The following FCRLB variants were observed in gnomAD, a reference collection of about 807,000 sequenced individuals.
The protein encoded by FCRLB is Fc receptor-like B.
FCRLB carries 34 observed loss-of-function variants against 33.6 expected under a neutral mutation model. That is an observed-to-expected ratio of 1.01 (90% CI 0.77 to 1.35). The LOEUF (loss-of-function observed/expected upper bound fraction) is 1.35. Ranked by LOEUF, FCRLB falls within the 40% of genes most tolerant of loss-of-function variation. The pLI, the probability that FCRLB is intolerant of heterozygous loss-of-function variation, is 0.00. For synonymous variants in FCRLB, 280 were observed against 255.9 expected (o/e 1.09, Z -0.90); for missense variants, 560 against 580.2 (o/e 0.97, Z 0.36).
At position 161,725,892 on chromosome 1, in the gene FCRLB, TG is replaced by T; in HGVS notation, c.381del (p.Trp127CysfsTer62). 6.2e-7 allele frequency: 1 copy of T among 1,614,200 alleles called. No homozygotes were observed. On this transcript the variant is annotated frameshift_variant, in exon 6 of 8. Transcript: ENST00000367948. LOFTEE classifies it high-confidence loss of function. ...GCCGCTAGTCCTGCGCTGCCGCGGC[TG>T]GTACGACAAGGTGGTCTACAAGCTT... is the stretch of plus-strand genomic sequence containing the variant.
intron 5 of FCRLB, among the ~76,000 whole-genome samples, chr1:161,724,960 A>T (rs1683492156): frequency 6.6e-6 from 1 of 152,158 alleles, no homozygotes; most frequent in Non-Finnish European, 1.5e-5. Flanking sequence ...GGTGAAAGAG[A>T]GTCTTCTTGG....
chr1:161,727,675 C>T, exon 8 of FCRLB: 1 of 1,577,230 alleles, frequency 6.3e-7, no homozygotes, highest in Non-Finnish European at 8.6e-7. Flanking sequence ...GGGCGGCTAC[C>T]GTCCCCTCTG....
At chr1:161,724,212 A>C (rs900207359) in intron 5 of FCRLB, among the ~76,000 whole-genome samples, 2 of 152,208 alleles carry the variant, frequency 1.3e-5, no homozygotes, top group Non-Finnish European at 2.9e-5. Context: ...ATATGTGTAC[A>C]CAGGAGTCAG....
chr1:161,726,723 C>G lies in FCRLB; in HGVS notation c.595C>G (p.Leu199Val), dbSNP rs1683584972. Reference sequence around the variant, plus strand: ...CGTAGAGCTGTTCCGGGCGCCGGTGCTGAGGGTGATGGGTCCGCGGGAGGC... The same window carrying G: ...CGTAGAGCTGTTCCGGGCGCCGGTGGTGAGGGTGATGGGTCCGCGGGAGGC... The change falls in exon 7 of 8, where the codon CTG becomes GTG. Residue 199 changes from leucine (L) to valine (V), a missense_variant. Leu to Val is a conservative substitution (Grantham distance 32). Coordinates refer to ENST00000367948, the Ensembl canonical transcript of FCRLB. The surrounding 1 kb of genome is among the most constrained non-coding windows in gnomAD (Gnocchi z 5.2). The G allele has an allele frequency of 2.5e-6, 4 of 1,596,272 alleles. No individual in the cohort carries two copies. The highest frequency in any genetic ancestry group is 1.3e-5 in the African/African-American group (1 of 74,788).
At position 161,723,010 on chromosome 1, in the gene FCRLB, G is replaced by A; in HGVS notation, c.52+1G>A. On this transcript the variant is annotated splice_donor_variant, in intron 4 of 7. Transcript: ENST00000367948. LOFTEE classifies it high-confidence loss of function. ...GCAGTTCCAAGCAGTGGGCAAGCTG[G>A]TGAGTCTTATAAATTTCTCATCCCA... 6.2e-7 allele frequency: 1 copy of A among 1,613,748 alleles called. No individual in the cohort carries two copies. Among genetic ancestry groups the A allele is most frequent in the Non-Finnish European group, 8.5e-7 (1 of 1,179,982 alleles).
chr1:161,727,360 T>C lies in FCRLB; in HGVS notation c.979T>C (p.Leu327=), dbSNP rs1442015219. ...GCCCCCGGTGTCCAGATCGGTCCCG[T>C]TGGTCACCTCCGTCCGGAACACCAC... The change falls in exon 8 of 8, where the codon TTG becomes CTG. Residue 327 remains leucine (L), a synonymous_variant. Coordinates refer to ENST00000367948, the Ensembl canonical transcript of FCRLB. The C allele has an allele frequency of 2.5e-6, 4 of 1,613,678 alleles. No homozygotes were observed. The Admixed American group carries it at 6.7e-5, about 27-fold the overall frequency.
chr1:161,724,466 G>A (rs919457254), intron 5 of FCRLB, among the ~76,000 whole-genome samples: 22 of 151,710 alleles, frequency 1.5e-4, no homozygotes, highest in East Asian at 3.9e-4. Context: ...GCATGATAGC[G>A]GGTGCCTGTA....
intron 3 of FCRLB, 103 bp downstream of exon 3, chr1:161,722,806 T>A (rs1683414805): frequency 2.6e-6 from 4 of 1,530,032 alleles, no homozygotes. Flanking sequence ...AGTTTCCAAG[T>A]GGTTCATTAT....
intron 5 of FCRLB, among the ~76,000 whole-genome samples, chr1:161,725,406 C>T (rs1434725737): frequency 1.3e-5 from 2 of 152,118 alleles, no homozygotes; most frequent in Non-Finnish European, 2.9e-5. Flanking sequence ...TTTGGGAGGC[C>T]GAGGTGGGCG....
In FCRLB at chr1:161,726,778, T is replaced by C. The variant is rs1169601969; in HGVS notation, c.650T>C (p.Leu217Pro). Residue 217 changes from leucine to proline, a missense_variant, in exon 7 of 8, where the codon CTG becomes CCG. Physicochemically the swap from Leu to Pro is moderately conservative, Grantham distance 98 (BLOSUM62 -3). Coordinates refer to ENST00000367948, the Ensembl canonical transcript of FCRLB. The surrounding 1 kb of genome is among the most constrained non-coding windows in gnomAD (Gnocchi z 5.2). ...GGCGCGGCGCTGGGTGGGGTGGTGCTGCGCTGCGACACGCGCCTGCACCCG... is the reference window on the plus strand; with the variant it reads ...GGCGCGGCGCTGGGTGGGGTGGTGCCGCGCTGCGACACGCGCCTGCACCCG... 6.3e-7 allele frequency: 1 copy of C among 1,575,826 alleles called. No homozygotes were observed. Among genetic ancestry groups the C allele is most frequent in the Admixed American group, 1.8e-5 (1 of 55,004 alleles).
At chr1:161,722,130 A>G (rs1392124324) in intron 2 of FCRLB, among the ~76,000 whole-genome samples, 1 of 152,150 alleles carries the variant, frequency 6.6e-6, no homozygotes, top group African/African-American at 2.4e-5. Context: ...TCGTCTACTC[A>G]TTGTGGCAGG....
Position 161,723,472 on chromosome 1 carries a change from A to G in FCRLB, c.158A>G (p.Glu53Gly), listed in dbSNP as rs541451917. Residue 53 changes from glutamate (E) to glycine (G), a missense_variant, in exon 5 of 8, where the codon GAG becomes GGG. By Grantham distance (98) the Glu-to-Gly change is moderately conservative (BLOSUM62 -2). Transcript: ENST00000367948. ...GATGGATACCACCCACTGCTCCTGG[A>G]GCTCCAGCCCATCAGCACTCTCTGG... 6 of 1,614,080 alleles carry G rather than the reference A, an allele frequency of 3.7e-6. No homozygotes were observed. In the African/African-American group the frequency reaches 8.0e-5, roughly 22 times the overall value.
At chr1:161,723,765 TAGGG>T in intron 5 of FCRLB, 144 bp downstream of exon 5, 7 of 1,273,860 alleles carry the variant, frequency 5.5e-6, no homozygotes, top group African/African-American at 1.5e-5. Flanking sequence ...CTGGAGCAGG[TAGGG>T]ACCTGCACGG....
intron 3 of FCRLB, 87 bp from the exon 4 acceptor site, chr1:161,722,902 T>C (rs1266157365): frequency 1.3e-6 from 2 of 1,584,202 alleles, no homozygotes; most frequent in East Asian, 2.2e-5. Flanking sequence ...TTTGGGACCA[T>C]TCAGCCTTTC....
chr1:161,723,726 AGGGCCACACT>A, intron 5 of FCRLB, 105 bp downstream of exon 5: 1 of 1,495,358 alleles, frequency 6.7e-7, no homozygotes, highest in Non-Finnish European at 9.0e-7. Flanking sequence ...GCAGGAAACA[AGGGCCACACT>A]GGGGCCTATC....
chr1:161,722,845 G>C, intron 3 of FCRLB, 142 bp downstream of exon 3: 3 of 1,484,650 alleles, frequency 2.0e-6, no homozygotes, highest in Admixed American at 1.9e-5. Flanking sequence ...AGAAGAAGGG[G>C]CTTTCTCAGA....
chr1:161,726,075 G>A lies in FCRLB; in HGVS notation c.562G>A (p.Val188Met). ...GCCCATGTTCTCCGCTAAGGTGGCT[G>A]TGACAGTGCAAGGTGGGAGAGACCA... The change falls in exon 6 of 8, where the codon GTG (valine) becomes ATG (methionine). Residue 188 changes from valine to methionine, a missense_variant. Val to Met is a conservative substitution (Grantham distance 21). Transcript: ENST00000367948. The surrounding 1 kb of genome is among the most constrained non-coding windows in gnomAD (Gnocchi z 5.2). 1 of 1,609,506 alleles carries A rather than the reference G, an allele frequency of 6.2e-7. No homozygotes were observed. Among genetic ancestry groups the A allele is most frequent in the Non-Finnish European group, 8.5e-7 (1 of 1,176,756 alleles).
At chr1:161,723,208 A>G (rs573125658) in intron 4 of FCRLB, among the ~76,000 whole-genome samples, 159 bp from the exon 5 acceptor site, 2 of 152,200 alleles carry the variant, frequency 1.3e-5, no homozygotes, top group East Asian at 3.9e-4. Flanking sequence ...CTGTAACCCA[A>G]TGAATGTGAT....
intron 5 of FCRLB, 151 bp downstream of exon 5, chr1:161,723,772 C>A: frequency 6.8e-6 from 8 of 1,181,836 alleles, no homozygotes; most frequent in Non-Finnish European, 9.3e-6. Context: ...AGGTAGGGAC[C>A]TGCACGGCAC....
Sources: gnomAD v4.1 joint callset for allele counts (sites outside exome capture counted in the v4.1 genomes callset) on GRCh38, gnomAD v4.1.1 for gene constraint, Gnocchi (gnomAD v3.1) non-coding constraint, MANE v1.5 for transcripts, NCBI Gene and HGNC (gene_info 2026-07-23, HGNC 2026-07-21) for gene names.